Variants in ARPC1A observed in about 807,000 individuals in gnomAD.
The protein encoded by ARPC1A is actin related protein 2/3 complex subunit 1A, also known as actin-related protein 2/3 complex subunit 1A.
Under a neutral mutation model 46.9 loss-of-function variants are expected in ARPC1A, and 8 were observed. The ratio of observed to expected loss-of-function variants is 0.17; its 90% confidence interval spans 0.10 to 0.31. The LOEUF is 0.31. Ranked by LOEUF, ARPC1A falls within the 10% of genes least tolerant of loss-of-function variation. The pLI, the probability that ARPC1A is intolerant of heterozygous loss-of-function variation, is 1.00. For synonymous variants in ARPC1A, 152 were observed against 169.0 expected (o/e 0.90, Z 0.78); for missense variants, 286 against 483.6 (o/e 0.59, Z 3.83).
intron 4 of ARPC1A, among the ~76,000 whole-genome samples, chr7:99,346,553 T>A (rs1356922075): frequency 6.6e-6 from 1 of 152,208 alleles, no homozygotes; most frequent in African/African-American, 2.4e-5. Context: ...GCTGTATGTT[T>A]AGGGCAGTTT....
At position 99,338,301 on chromosome 7, in the gene ARPC1A, C is replaced by T. The variant is rs369517837; in HGVS notation, c.169+16C>T. 7.6e-5 allele frequency: 119 copies of T among 1,559,284 alleles called. No homozygotes were observed. In the South Asian group the frequency reaches 1.1e-3, roughly 14 times the overall value. On this transcript the variant is annotated intron_variant, in intron 3 of 9. Transcript: ENST00000262942. ...CACATCACAGGTAAAGGAAGATAGC[C>T]GTGAGCTTAGTGTGATATTTCCAAA...
At chr7:99,347,900 T>C (rs1032342671) in intron 4 of ARPC1A, among the ~76,000 whole-genome samples, 1 of 151,786 alleles carries the variant, frequency 6.6e-6, no homozygotes, top group African/African-American at 2.4e-5. Context: ...AGGCATTGGC[T>C]CAATATTTAG....
chr7:99,329,136 T>C (rs1315470328), intron 1 of ARPC1A, among the ~76,000 whole-genome samples: 1 of 151,252 alleles, frequency 6.6e-6, no homozygotes, highest in Non-Finnish European at 1.5e-5. Context: ...CCATCTCTAC[T>C]AAAAATACAA....
At chr7:99,334,884 C>T (rs576326078) in intron 2 of ARPC1A, among the ~76,000 whole-genome samples, 88 of 151,708 alleles carry the variant, frequency 5.8e-4, no homozygotes, top group Non-Finnish European at 9.4e-4. Flanking sequence ...CGCTCTGTCG[C>T]CCAGGCTGGA....
At chr7:99,331,909 ACT>A (rs1268438957) in intron 1 of ARPC1A, among the ~76,000 whole-genome samples, 3 of 152,040 alleles carry the variant, frequency 2.0e-5, no homozygotes, top group Middle Eastern at 3.2e-3. Flanking sequence ...ACAGAGTGAG[ACT>A]CTGTCTCAAA....
At chr7:99,330,458 G>A (rs1793127459) in intron 1 of ARPC1A, among the ~76,000 whole-genome samples, 1 of 152,144 alleles carries the variant, frequency 6.6e-6, no homozygotes, top group Non-Finnish European at 1.5e-5. Flanking sequence ...GGAATTACAG[G>A]TGCCTGCCAC....
At chr7:99,334,543 C>G (rs1330608896) in intron 2 of ARPC1A, among the ~76,000 whole-genome samples, 2 of 152,118 alleles carry the variant, frequency 1.3e-5, no homozygotes, top group African/African-American at 4.8e-5. Context: ...GTGTTTCCTT[C>G]TAAGAGTCTT....
chr7:99,339,777 A>G (rs556305915), intron 3 of ARPC1A: 1 of 268,314 alleles, frequency 3.7e-6, no homozygotes, highest in African/African-American at 2.2e-5. Context: ...TCCATATTAC[A>G]TGAAAGTGCT....
chr7:99,331,902 G>A (rs1053244321), intron 1 of ARPC1A, among the ~76,000 whole-genome samples: 5 of 152,188 alleles, frequency 3.3e-5, no homozygotes, highest in Non-Finnish European at 5.9e-5. Context: ...CTGGGCAACA[G>A]AGTGAGACTC....
intron 5 of ARPC1A, among the ~76,000 whole-genome samples, chr7:99,351,419 A>G (rs965572480): frequency 2.6e-5 from 4 of 151,524 alleles, no homozygotes; most frequent in East Asian, 1.9e-4. Context: ...GGGTTTCACC[A>G]TATTGGCCAG....
chr7:99,352,696 G>A (rs1793563776), intron 5 of ARPC1A, among the ~76,000 whole-genome samples: 1 of 151,600 alleles, frequency 6.6e-6, no homozygotes. Flanking sequence ...CAGGTGTGGT[G>A]GCTCATGCCT....
At chr7:99,354,884 G>C (rs1055412208) in intron 6 of ARPC1A, among the ~76,000 whole-genome samples, 1 of 151,532 alleles carries the variant, frequency 6.6e-6, no homozygotes, top group Non-Finnish European at 1.5e-5. Context: ...AGGCTGAGGC[G>C]GGCGGATCAC....
rs1034376658 is a variant in ARPC1A at position 99,338,088 on chromosome 7, C to T, written c.65-93C>T. On this transcript the variant is annotated intron_variant, in intron 2 of 9. Transcript: ENST00000262942. ...TTTTCAAAAGTTTTTCTTTTCCTTA[C>T]TATAGTCTGCTTTTAAAACAACTGT... The T allele has an allele frequency of 6.7e-6, 6 of 892,352 alleles. No homozygotes were observed. The African/African-American group carries it at 8.6e-5, about 13-fold the overall frequency. 55.3% of individuals were successfully genotyped at this position (892,352 alleles called of 1,614,324 possible). A position where few individuals can be genotyped will look rare whatever the true frequency, so the allele number is the denominator to read the frequency against.
rs560837610 is a variant in ARPC1A at position 99,358,953 on chromosome 7, T to C, written c.789+538T>C. Among the ~76,000 whole-genome samples, 14 of 152,080 alleles carry C rather than the reference T, an allele frequency of 9.2e-5. No individual in the cohort carries two copies. The South Asian group carries it at 2.9e-3, about 31-fold the overall frequency. On this transcript the variant is annotated intron_variant, in intron 7 of 9. Transcript: ENST00000262942. ...TTCACGCCATTCTCCTGCCTCAGCG[T>C]CCTGAGTAGCTGGGACTACAGGCGC...
intron 2 of ARPC1A, among the ~76,000 whole-genome samples, chr7:99,336,202 A>G (rs1446983491): frequency 6.6e-6 from 1 of 152,134 alleles, no homozygotes; most frequent in Non-Finnish European, 1.5e-5. Flanking sequence ...TTAAGTCAAC[A>G]TTTTTTGTGA....
At chr7:99,340,148 TTTTGTTTGTTTG>T (rs145394943) in intron 3 of ARPC1A, 20 of 395,070 alleles carry the variant, frequency 5.1e-5, no homozygotes, top group African/African-American at 1.9e-4. Context: ...TTTTTTCTGT[TTTTGTTTGTTTG>T]TTTGTTTGTT....
chr7:99,336,400 T>A (rs1562796832), intron 2 of ARPC1A, among the ~76,000 whole-genome samples: 1 of 152,040 alleles, frequency 6.6e-6, no homozygotes, highest in Non-Finnish European at 1.5e-5. Flanking sequence ...CAGATAGATG[T>A]AGCTTTCCTA....
chr7:99,360,604 G>C (rs1218421129), intron 8 of ARPC1A, among the ~76,000 whole-genome samples: 1 of 152,084 alleles, frequency 6.6e-6, no homozygotes, highest in African/African-American at 2.4e-5. Flanking sequence ...TGGAATTACA[G>C]GCGTAAGCTA....
At chr7:99,333,645 C>T (rs962131486) in intron 2 of ARPC1A, among the ~76,000 whole-genome samples, 19 of 152,146 alleles carry the variant, frequency 1.2e-4, no homozygotes, top group Non-Finnish European at 2.5e-4. Context: ...CACATTTAGT[C>T]AGAGCACTAG....
Sources: allele counts gnomAD v4.1 joint callset (sites outside exome capture counted in the v4.1 genomes callset), GRCh38; gene constraint gnomAD v4.1.1; transcripts MANE v1.5; gene names NCBI Gene and HGNC (gene_info 2026-07-23, HGNC 2026-07-21).